The following PITPNA variants were observed in gnomAD, a reference collection of about 807,000 sequenced individuals.
PITPNA encodes phosphatidylinositol transfer protein alpha, also known as phosphatidylinositol transfer protein alpha isoform.
PITPNA carries 13 observed loss-of-function variants against 50.3 expected under a neutral mutation model. That is an observed-to-expected ratio of 0.26 (90% CI 0.17 to 0.41). PITPNA has a LOEUF of 0.41. PITPNA is among the 10% of genes least tolerant of loss of function. The probability of loss-of-function intolerance (pLI) is 1.00; values close to 1 mark genes in which losing one functional copy is unlikely to be tolerated. For synonymous variants in PITPNA, 120 were observed against 119.6 expected, an observed-to-expected ratio of 1.00 and a Z score of -0.02; for missense variants, 207 against 333.4, an observed-to-expected ratio of 0.62 and a Z score of 2.95.
intron 10 of PITPNA, among the ~76,000 whole-genome samples, chr17:1,527,696 G>A (rs1014311340): frequency 6.6e-6 from 1 of 152,054 alleles, no homozygotes; most frequent in African/African-American, 2.4e-5. Flanking sequence ...TGACCATTAA[G>A]TATGAAATAC....
rs150649187 is a variant in PITPNA, at chr17:1,529,611, T to C, written c.768+4488A>G. ...GGCTCACAACTGTAATCCTAGCACC[T>C]TGGGAGGCTGAGGCGGGTGGGTCAC... On this transcript the variant is annotated intron_variant, in intron 10 of 11. Transcript: ENST00000313486. Among the ~76,000 whole-genome samples the C allele has an allele frequency of 3.8e-3, 572 of 152,150 alleles. 7 individuals carry two copies. The highest frequency in any genetic ancestry group is 0.013 in the African/African-American group (549 of 41,510).
rs924683180 is a variant in PITPNA at position 1,521,690 on chromosome 17, T to C, written c.769-45A>G. 4.6e-6 allele frequency: 7 copies of C among 1,534,106 alleles called. No individual in the cohort carries two copies. The Admixed American group carries it at 1.0e-4, about 22-fold the overall frequency. ...ACAAATGGAAGGCTCCTGCTGCTGA[T>C]GGAACTCCTGCCTTCTCAGTCCTGC... On this transcript the variant is annotated intron_variant, in intron 10 of 11. Transcript: ENST00000313486.
At chr17:1,535,414 C>G (rs529561036) in intron 8 of PITPNA, 27 bp downstream of exon 8, 99 of 1,588,036 alleles carry the variant, frequency 6.2e-5, no homozygotes, top group East Asian at 8.9e-5. Flanking sequence ...CTGCCCAGCC[C>G]CCTGGCAGTG....
At chr17:1,551,869 G>A (rs971751439) in intron 3 of PITPNA, among the ~76,000 whole-genome samples, 3 of 142,352 alleles carry the variant, frequency 2.1e-5, no homozygotes, top group African/African-American at 8.0e-5. Context: ...ACCCTCTGGC[G>A]AGGAGACTGG....
chr17:1,555,110 G>C (rs1305684762), intron 2 of PITPNA, among the ~76,000 whole-genome samples: 1 of 152,190 alleles, frequency 6.6e-6, no homozygotes, highest in Non-Finnish European at 1.5e-5. Context: ...TAAAGGACAG[G>C]CTGGGGAGAG....
In PITPNA at chr17:1,562,395, C is replaced by T; in HGVS notation, c.20+146G>A. ...ACGTGCCGCCCGCCCCGGATCCCCTCCATCCCCGCTGGGCCCGCCTCAGGC... is the reference window on the plus strand; with the variant it reads ...ACGTGCCGCCCGCCCCGGATCCCCTTCATCCCCGCTGGGCCCGCCTCAGGC... On this transcript the variant is annotated intron_variant, in intron 1 of 11. Coordinates refer to ENST00000313486, the MANE Select transcript of PITPNA (RefSeq NM_006224.4). The surrounding 1 kb of genome is among the most constrained non-coding windows in gnomAD (Gnocchi z 6.4). 1 of 539,232 alleles carries T rather than the reference C, an allele frequency of 1.9e-6. No homozygotes were observed. Among genetic ancestry groups the T allele is most frequent in the African/African-American group, 2.0e-5 (1 of 50,068 alleles). The allele number at this position is 539,232 out of a possible 1,614,324, so 33.4% of individuals were successfully genotyped here.
At chr17:1,542,012 C>G (rs1380030460) in intron 5 of PITPNA, among the ~76,000 whole-genome samples, 4 of 152,032 alleles carry the variant, frequency 2.6e-5, no homozygotes, top group Non-Finnish European at 5.9e-5. Flanking sequence ...CCAGTCTGGC[C>G]AACAGTGGTG....
intron 7 of PITPNA, chr17:1,535,959 A>G (rs1346573429): frequency 1.6e-5 from 3 of 185,772 alleles, no homozygotes; most frequent in South Asian, 2.1e-4. Flanking sequence ...AAGTGACTCT[A>G]AAATACAGCC....
intron 10 of PITPNA, among the ~76,000 whole-genome samples, chr17:1,529,643 T>G (rs1206684789): frequency 1.3e-5 from 2 of 151,886 alleles, no homozygotes; most frequent in Non-Finnish European, 2.9e-5. Context: ...TCACCTGAGC[T>G]CAGGAGTTCC....
chr17:1,525,665 T>C (rs369768783), intron 10 of PITPNA, among the ~76,000 whole-genome samples: 1 of 152,040 alleles, frequency 6.6e-6, no homozygotes, highest in Non-Finnish European at 1.5e-5. Context: ...ATTACAGGCA[T>C]GTGCCACCAT....
At chr17:1,554,307 G>A (rs987642895) in intron 2 of PITPNA, among the ~76,000 whole-genome samples, 7 of 152,100 alleles carry the variant, frequency 4.6e-5, no homozygotes, top group African/African-American at 1.4e-4. Context: ...CAACATGCTG[G>A]GGGGTGGAGG....
chr17:1,522,653 G>A (rs546273818), intron 10 of PITPNA, among the ~76,000 whole-genome samples: 4 of 152,340 alleles, frequency 2.6e-5, no homozygotes, highest in South Asian at 2.1e-4. Flanking sequence ...GATTACAGGC[G>A]TGAGCCACCG....
At chr17:1,539,609 C>A (rs1052369552) in intron 6 of PITPNA, among the ~76,000 whole-genome samples, 1 of 151,814 alleles carries the variant, frequency 6.6e-6, no homozygotes, top group African/African-American at 2.4e-5. Flanking sequence ...CCTCCTGTCA[C>A]AGCCTCCTGA....
At chr17:1,525,276 C>T (rs2075540860) in intron 10 of PITPNA, among the ~76,000 whole-genome samples, 1 of 151,996 alleles carries the variant, frequency 6.6e-6, no homozygotes, top group African/African-American at 2.4e-5. Flanking sequence ...ACATGAGCCA[C>T]CACACCCGGC....
chr17:1,548,085 T>C (rs2075687348), intron 4 of PITPNA, among the ~76,000 whole-genome samples: 1 of 152,214 alleles, frequency 6.6e-6, no homozygotes, highest in Non-Finnish European at 1.5e-5. Context: ...CATCCCCAAG[T>C]GAGAGACTGG....
At chr17:1,528,036 T>A (rs1174705585) in intron 10 of PITPNA, among the ~76,000 whole-genome samples, 2 of 152,244 alleles carry the variant, frequency 1.3e-5, no homozygotes, top group East Asian at 1.9e-4. Context: ...AAAAAAATTT[T>A]AAAAATTAGG....
chr17:1,543,054 A>G (rs1378854539), intron 4 of PITPNA, 27 bp from the exon 5 acceptor site: 1 of 1,557,072 alleles, frequency 6.4e-7, no homozygotes, highest in Admixed American at 1.8e-5. Flanking sequence ...ACATGGAAAG[A>G]AGAGAGAAAA....
Position 1,535,478 on chromosome 17 carries a change from A to G in PITPNA, c.497T>C (p.Ile166Thr), listed in dbSNP as rs1340396945. 1.9e-6 allele frequency: 3 copies of G among 1,613,542 alleles called. No homozygotes were observed. The highest frequency in any genetic ancestry group is 2.5e-6 in the Non-Finnish European group (3 of 1,179,620). The change falls in exon 8 of 12, where the codon ATC (isoleucine) becomes ACC (threonine). Residue 166 changes from isoleucine to threonine, a missense_variant. By Grantham distance (89) the Ile-to-Thr change is moderately conservative (BLOSUM62 -1). Coordinates refer to ENST00000313486, the MANE Select transcript of PITPNA (RefSeq NM_006224.4). Reference protein sequence around the residue: ...AEEDPAKFKSIKTGRGPLGPN... With the variant: ...AEEDPAKFKSTKTGRGPLGPN... ...GCCCAAGGGTCCTCGGCCTGTTTTGATAGATTTAAATTTTGCTGGGTCTTC... is the reference window on the plus strand; with the variant it reads ...GCCCAAGGGTCCTCGGCCTGTTTTGGTAGATTTAAATTTTGCTGGGTCTTC...
At chr17:1,521,753 A>G (rs1407418335) in intron 10 of PITPNA, 108 bp from the exon 11 acceptor site, 1 of 840,586 alleles carries the variant, frequency 1.2e-6, no homozygotes, top group South Asian at 1.4e-5. Context: ...GTAAAAAGCA[A>G]GACACTGGAA....
Sources: allele counts gnomAD v4.1 joint callset (sites outside exome capture counted in the v4.1 genomes callset), GRCh38; gene constraint gnomAD v4.1.1; non-coding constraint Gnocchi (gnomAD v3.1); transcripts MANE v1.5; gene names NCBI Gene and HGNC (gene_info 2026-07-23, HGNC 2026-07-21).